Variants in PPFIA2 observed in about 807,000 individuals in gnomAD.
PPFIA2 encodes the protein PPFI scaffold protein A2, also known as liprin-alpha-2.
Under a neutral mutation model 175.5 loss-of-function variants are expected in PPFIA2, and 46 were observed. That is an observed-to-expected ratio of 0.26 (90% confidence interval 0.21 to 0.34). The LOEUF (loss-of-function observed/expected upper bound fraction) is 0.34, where lower values mean the gene tolerates loss of function less well. PPFIA2 is among the 10% of genes least tolerant of loss of function. The pLI is 1.00. For missense variants in PPFIA2, 1,179 were observed against 1,506.1 expected, an observed-to-expected ratio of 0.78 and a Z score of 3.60; for synonymous variants, 568 against 511.4, an observed-to-expected ratio of 1.11 and a Z score of -1.49.
At chr12:81,514,410 A>G (rs12819442) in intron 4 of PPFIA2, among the ~76,000 whole-genome samples, 44,475 of 151,820 alleles carry the variant, frequency 0.29, 6,950 homozygotes, top group African/African-American at 0.4. Context: ...TTGCTAAATA[A>G]TGACAACACC....
intron 26 of PPFIA2, among the ~76,000 whole-genome samples, chr12:81,282,396 A>AT (rs2042271497): frequency 1.3e-5 from 2 of 152,066 alleles, no homozygotes; most frequent in Admixed American, 1.3e-4. Flanking sequence ...TAACTACCAA[A>AT]TTTTTTCTTA....
intron 7 of PPFIA2, among the ~76,000 whole-genome samples, chr12:81,413,074 A>C (rs1282934770): frequency 1.3e-5 from 2 of 152,022 alleles, no homozygotes; most frequent in East Asian, 3.9e-4. Flanking sequence ...AGTAATCTCC[A>C]GTAACTCATG....
chr12:81,403,705 T>A (rs1393779609), intron 8 of PPFIA2, among the ~76,000 whole-genome samples: 1 of 152,072 alleles, frequency 6.6e-6, no homozygotes, highest in Non-Finnish European at 1.5e-5. Context: ...CTAGGAACAC[T>A]CAACTGGTAA....
chr12:81,660,184 C>A (rs2068562871), intron 4 of PPFIA2, among the ~76,000 whole-genome samples: 1 of 152,118 alleles, frequency 6.6e-6, no homozygotes, highest in African/African-American at 2.4e-5. Context: ...AGCAACGGAA[C>A]AAAGATGGAT....
intron 7 of PPFIA2, among the ~76,000 whole-genome samples, chr12:81,419,153 G>T (rs1234550136): frequency 6.6e-6 from 1 of 151,866 alleles, no homozygotes; most frequent in East Asian, 1.9e-4. Flanking sequence ...ACATTGCTTG[G>T]TATCCACCAA....
At chr12:81,415,762 G>A (rs540423468) in intron 7 of PPFIA2, among the ~76,000 whole-genome samples, 60 of 149,882 alleles carry the variant, frequency 4.0e-4, no homozygotes, top group Non-Finnish European at 6.8e-4. Flanking sequence ...TGCAGGAGAT[G>A]TTTACACTAT....
chr12:81,282,562 T>C (rs2042309397), intron 26 of PPFIA2: 1 of 152,656 alleles, frequency 6.6e-6, no homozygotes. Flanking sequence ...CAATAAATGC[T>C]AGTGACTCTG....
chr12:81,699,752 CAT>C (rs1184050520), intron 3 of PPFIA2, among the ~76,000 whole-genome samples: 19 of 152,068 alleles, frequency 1.2e-4, no homozygotes, highest in South Asian at 6.2e-4. Flanking sequence ...TCTGAATACA[CAT>C]GTCTTAACCC....
At chr12:81,573,560 T>C (rs980577262) in intron 4 of PPFIA2, among the ~76,000 whole-genome samples, 10 of 151,936 alleles carry the variant, frequency 6.6e-5, no homozygotes, top group African/African-American at 2.4e-5. Context: ...TCTCTATTTC[T>C]AGGTTATTTC....
intron 7 of PPFIA2, among the ~76,000 whole-genome samples, chr12:81,438,973 C>A (rs1199550530): frequency 6.6e-6 from 1 of 151,948 alleles, no homozygotes; most frequent in Non-Finnish European, 1.5e-5. Context: ...TATTCCCTCC[C>A]CTCTACCCTT....
chr12:81,369,724 A>G (rs994984503), intron 11 of PPFIA2, among the ~76,000 whole-genome samples: 5 of 151,698 alleles, frequency 3.3e-5, no homozygotes, highest in African/African-American at 1.2e-4. Context: ...GAGTCAAGGA[A>G]AAGGAGAGGG....
chr12:81,403,618 T>C (rs1357263), intron 8 of PPFIA2, among the ~76,000 whole-genome samples: 24,355 of 151,596 alleles, frequency 0.16, 2,707 homozygotes, highest in East Asian at 0.42. Context: ...ATCTCAGGAG[T>C]TGGGCAAGTG....
intron 32 of PPFIA2, chr12:81,261,232 T>G (rs2035393228): frequency 6.6e-6 from 1 of 152,210 alleles, no homozygotes; most frequent in Non-Finnish European, 1.5e-5. Flanking sequence ...TTTATTGATT[T>G]ATTTTAAGAC....
intron 7 of PPFIA2, among the ~76,000 whole-genome samples, chr12:81,428,382 A>G (rs941953475): frequency 3.9e-5 from 6 of 152,050 alleles, no homozygotes; most frequent in Non-Finnish European, 8.8e-5. Flanking sequence ...ACTTGGAACT[A>G]GTAAAATTAG....
intron 9 of PPFIA2, among the ~76,000 whole-genome samples, chr12:81,380,487 C>T (rs934452092): frequency 6.6e-6 from 1 of 151,788 alleles, no homozygotes; most frequent in African/African-American, 2.4e-5. Flanking sequence ...GCTTTAAGTG[C>T]TAAGTAATTT....
In PPFIA2 at chr12:81,709,295, T is replaced by G. The variant is rs2077586115; in HGVS notation, c.250-32451A>C. ...ATTCCAGAGTTTTCTTTTAAAGTGC[T>G]CACCACTTCCCCTAATGTAGGAAGG... On this transcript the variant is annotated intron_variant, in intron 3 of 32. Transcript: ENST00000549396. 7.2e-5 allele frequency among the ~76,000 whole-genome samples: 11 copies of G among 152,264 alleles called. 1 individual carries two copies. In the South Asian group the frequency reaches 2.3e-3, roughly 32 times the overall value.
At chr12:81,355,180 A>G (rs181489694) in intron 16 of PPFIA2, among the ~76,000 whole-genome samples, 55 of 152,312 alleles carry the variant, frequency 3.6e-4, no homozygotes, top group African/African-American at 1.3e-3. Context: ...CACGAAAAAA[A>G]CAATCTCTTT....
At chr12:81,533,178 G>C (rs1476262782) in intron 4 of PPFIA2, among the ~76,000 whole-genome samples, 1 of 151,474 alleles carries the variant, frequency 6.6e-6, no homozygotes, top group East Asian at 1.9e-4. Context: ...AAAGGGCATT[G>C]GATAAAATGT....
intron 4 of PPFIA2, among the ~76,000 whole-genome samples, chr12:81,628,799 A>G (rs1314480585): frequency 6.6e-6 from 1 of 152,158 alleles, no homozygotes; most frequent in East Asian, 1.9e-4. Flanking sequence ...GCAAGTCAAA[A>G]TATCTATTGA....
Sources: gnomAD v4.1 joint callset for allele counts (sites outside exome capture counted in the v4.1 genomes callset) on GRCh38, gnomAD v4.1.1 for gene constraint, MANE v1.5 for transcripts, NCBI Gene and HGNC (gene_info 2026-07-23, HGNC 2026-07-21) for gene names.